Variants in GRIP1 observed in about 807,000 individuals in gnomAD.
GRIP1 encodes the protein glutamate receptor interacting protein 1.
GRIP1 carries 45 observed loss-of-function variants against 129.9 expected under a neutral mutation model. That is an observed-to-expected ratio of 0.35 (90% CI 0.27 to 0.44). The LOEUF is 0.44. Among genes scored for constraint, GRIP1 ranks in the 20% least tolerant of loss-of-function variants. GRIP1 has a pLI of 1.00. For missense variants in GRIP1, 1,196 were observed against 1,396.8 expected (o/e 0.86, Z 2.29); for synonymous variants, 530 against 520.8 (o/e 1.02, Z -0.24).
intron 1 of GRIP1, among the ~76,000 whole-genome samples, chr12:66,732,543 AAAAC>A (rs1176748024): frequency 1.3e-5 from 2 of 151,952 alleles, no homozygotes; most frequent in African/African-American, 2.4e-5. Context: ...ACACCGTCTC[AAAAC>A]AAACAAACAA....
chr12:66,485,730 A>T (rs1201116100), intron 7 of GRIP1, among the ~76,000 whole-genome samples: 1 of 151,932 alleles, frequency 6.6e-6, no homozygotes, highest in East Asian at 1.9e-4. Context: ...ATTGATTCCT[A>T]TGTGTTGTGC....
intron 1 of GRIP1, among the ~76,000 whole-genome samples, chr12:66,843,772 T>C (rs1254287871): frequency 6.6e-6 from 1 of 151,548 alleles, no homozygotes; most frequent in Non-Finnish European, 1.5e-5. Context: ...GAAGCTGGAC[T>C]CTTACCTTAC....
intron 1 of GRIP1, among the ~76,000 whole-genome samples, chr12:66,814,752 AAGAG>A (rs779128845): frequency 1.6e-4 from 24 of 150,832 alleles, no homozygotes; most frequent in Non-Finnish European, 3.0e-4. Flanking sequence ...ATATTTAACA[AAGAG>A]AGAGAGAGAG....
chr12:66,729,383 T>C (rs1592784800), intron 1 of GRIP1, among the ~76,000 whole-genome samples: 1 of 152,316 alleles, frequency 6.6e-6, no homozygotes, highest in East Asian at 1.9e-4. Context: ...AGGCAAATAG[T>C]GAGCATAATA....
At chr12:66,525,717 A>G (rs972108934) in intron 5 of GRIP1, among the ~76,000 whole-genome samples, 1 of 152,126 alleles carries the variant, frequency 6.6e-6, no homozygotes, top group Non-Finnish European at 1.5e-5. Flanking sequence ...AGGGTATTCA[A>G]TTAGGAAAAG....
intron 1 of GRIP1, among the ~76,000 whole-genome samples, chr12:67,057,969 C>G (rs1013114254): frequency 1.3e-5 from 2 of 152,122 alleles, no homozygotes; most frequent in Non-Finnish European, 1.5e-5. Context: ...TTTTTTAAAT[C>G]AACAATCCTG....
chr12:66,833,464 C>T (rs1395032098), intron 1 of GRIP1, among the ~76,000 whole-genome samples: 3 of 152,178 alleles, frequency 2.0e-5, no homozygotes, highest in Admixed American at 2.0e-4. Context: ...TAGCCCTGGG[C>T]TGAAGAAACC....
chr12:66,742,545 G>A (rs1477826606), intron 1 of GRIP1, among the ~76,000 whole-genome samples: 5 of 152,086 alleles, frequency 3.3e-5, no homozygotes, highest in Admixed American at 6.6e-5. Flanking sequence ...TAATTGGAAA[G>A]GAAGTGATAA....
At position 66,691,641 on chromosome 12, in the gene GRIP1, A is replaced by T. The variant is rs79492060; in HGVS notation, c.-419-61305T>A. Among the ~76,000 whole-genome samples, 697 of 152,288 alleles carry T rather than the reference A, an allele frequency of 4.6e-3. 7 individuals carry two copies. The highest frequency in any genetic ancestry group is 0.016 in the African/African-American group (667 of 41,560). On this transcript the variant is annotated intron_variant, in intron 1 of 4. Transcript: ENST00000538373. ...AGTTTGGTTCTAAGTCCCAGTGGTG[A>T]ATGAAAGTGTCCTCTTTACAAGCAT...
chr12:66,855,556 A>G (rs2039988666), intron 1 of GRIP1, among the ~76,000 whole-genome samples: 1 of 152,034 alleles, frequency 6.6e-6, no homozygotes, highest in Non-Finnish European at 1.5e-5. Flanking sequence ...AATAATTTAG[A>G]GTGTATTTTC....
At chr12:66,943,162 C>T (rs1026857939) in intron 1 of GRIP1, among the ~76,000 whole-genome samples, 12 of 152,174 alleles carry the variant, frequency 7.9e-5, no homozygotes, top group Admixed American at 7.9e-4. Context: ...TAATACACAT[C>T]TTCTAATGAA....
At chr12:66,790,992 G>C (rs945198330) in intron 1 of GRIP1, among the ~76,000 whole-genome samples, 3 of 152,156 alleles carry the variant, frequency 2.0e-5, no homozygotes, top group Non-Finnish European at 2.9e-5. Flanking sequence ...AGACCAAAAT[G>C]ATGACTGGTA....
Position 66,865,133 on chromosome 12 carries a change from T to C in GRIP1, c.58+203917A>G, listed in dbSNP as rs2040180894. ...GTAAGATGAAAGCCCAGCAGCAAGT[T>C]GAAAATCTGACTTTCAGTATTTTAG... On this transcript the variant is annotated intron_variant, in intron 1 of 1. Coordinates refer to the GRIP1 transcript ENST00000643019. 2.0e-5 allele frequency among the ~76,000 whole-genome samples: 3 copies of C among 152,252 alleles called. No individual in the cohort carries two copies. The South Asian group carries it at 6.2e-4, about 32-fold the overall frequency.
intron 6 of GRIP1, among the ~76,000 whole-genome samples, chr12:66,516,798 C>A (rs1431837135): frequency 6.6e-6 from 1 of 152,124 alleles, no homozygotes; most frequent in African/African-American, 2.4e-5. Context: ...AGTAAGAAAC[C>A]AGTGTTTTCC....
At chr12:66,473,433 T>G (rs938992720) in intron 7 of GRIP1, among the ~76,000 whole-genome samples, 5 of 152,212 alleles carry the variant, frequency 3.3e-5, no homozygotes, top group Non-Finnish European at 5.9e-5. Context: ...GCCTGCTGGC[T>G]CTGAAGAGAG....
rs141954092 is a variant in GRIP1 at position 66,899,307 on chromosome 12, G to A, written c.58+169743C>T. Among the ~76,000 whole-genome samples, 17 of 152,082 alleles carry A rather than the reference G, an allele frequency of 1.1e-4. No homozygotes were observed. In the East Asian group the frequency reaches 3.3e-3, roughly 30 times the overall value. On this transcript the variant is annotated intron_variant, in intron 1 of 1. Transcript: ENST00000643019. The stretch of plus-strand genomic sequence containing the variant: ...TCATTCAGTGAAATGCTGCTGTCAG[G>A]ACAGAATGTACTTCCTGTAGACATC...
chr12:66,880,506 G>A (rs2040460186), intron 1 of GRIP1, among the ~76,000 whole-genome samples: 1 of 152,044 alleles, frequency 6.6e-6, no homozygotes, highest in African/African-American at 2.4e-5. Context: ...TGTGGGTATG[G>A]GAGCAGAGAG....
chr12:66,503,842 C>T (rs114234382), intron 7 of GRIP1, among the ~76,000 whole-genome samples: 3,346 of 152,210 alleles, frequency 0.022, 109 homozygotes, highest in African/African-American at 0.077. Context: ...CCCATTCCTC[C>T]CAAATATCTG....
intron 7 of GRIP1, among the ~76,000 whole-genome samples, chr12:66,497,890 A>G (rs1317197128): frequency 1.3e-5 from 2 of 152,212 alleles, no homozygotes; most frequent in South Asian, 2.1e-4. Flanking sequence ...GCCCTGCCCT[A>G]CCTTAACTGA....
Sources: gnomAD v4.1 joint callset for allele counts (sites outside exome capture counted in the v4.1 genomes callset) on GRCh38, gnomAD v4.1.1 for gene constraint, MANE v1.5 for transcripts, NCBI Gene and HGNC (gene_info 2026-07-23, HGNC 2026-07-21) for gene names.